Variants in GLRA2 observed in about 807,000 individuals in gnomAD.
GLRA2 encodes glycine receptor alpha 2.
A neutral mutation model predicts 31.6 loss-of-function variants in GLRA2; 11 were observed. The ratio of observed to expected loss-of-function variants is 0.35; its 90% CI spans 0.22 to 0.58. GLRA2 has a LOEUF of 0.58. GLRA2 is among the 20% of genes least tolerant of loss of function. GLRA2 has a pLI of 0.84. For missense variants in GLRA2, 212 were observed against 351.8 expected (o/e 0.60, Z 3.18); for synonymous variants, 132 against 134.0 (o/e 0.99, Z 0.10).
chrX:14,490,200 C>T, the GLRA2 span, among the ~76,000 whole-genome samples: 1 of 112,008 alleles, frequency 8.9e-6, no homozygotes, highest in African/African-American at 3.2e-5. Flanking sequence ...TAGTCAGTTA[C>T]AATTGCTCCA....
intron 7 of GLRA2, among the ~76,000 whole-genome samples, chrX:14,618,108 T>C (rs954125886): frequency 8.9e-6 from 1 of 112,247 alleles, no homozygotes; most frequent in African/African-American, 3.2e-5. Flanking sequence ...CTTTCTAATT[T>C]TGAAACCACT....
At chrX:14,462,931 G>A in the GLRA2 span, among the ~76,000 whole-genome samples, 1 of 111,446 alleles carries the variant, frequency 9.0e-6, no homozygotes. Context: ...AGGCATTCTG[G>A]TTTTTGGAAT....
chrX:14,456,284 A>G, the GLRA2 span, among the ~76,000 whole-genome samples: 1 of 111,934 alleles, frequency 8.9e-6, no homozygotes, highest in African/African-American at 3.2e-5. Context: ...ATGTTTGGAT[A>G]CATGTCATGT....
chrX:14,453,869 A>G, the GLRA2 span, among the ~76,000 whole-genome samples: 3 of 111,967 alleles, frequency 2.7e-5, no homozygotes, highest in Non-Finnish European at 5.6e-5. Flanking sequence ...TAAAAAGAAT[A>G]TGCAATTGAT....
rs1170036600 is a variant in GLRA2 at position 14,664,316 on chromosome X, T to C, written c.931-26394T>C. Among the ~76,000 whole-genome samples, 6 of 112,290 alleles carry C rather than the reference T, an allele frequency of 5.3e-5. No individual in the cohort carries two copies. In the Admixed American group the frequency reaches 5.7e-4, roughly 11 times the overall value. On this transcript the variant is annotated intron_variant, in intron 7 of 8. Coordinates refer to ENST00000218075, the MANE Select transcript of GLRA2 (RefSeq NM_002063.4). The stretch of plus-strand genomic sequence containing the variant: ...TTTCCTACATTTTGTTGTTTTATTT[T>C]TAGTTTTATCACATTATGGGAAAAT...
intron 7 of GLRA2, among the ~76,000 whole-genome samples, chrX:14,663,452 T>G (rs899630717): frequency 9.1e-6 from 1 of 110,184 alleles, no homozygotes; most frequent in African/African-American, 3.3e-5. Context: ...ACCTAATGTA[T>G]GAAAGAAAAA....
chrX:14,522,672 G>A, the GLRA2 span, among the ~76,000 whole-genome samples: 3 of 112,301 alleles, frequency 2.7e-5, no homozygotes, highest in Admixed American at 2.8e-4. Flanking sequence ...TGTTGTGTTA[G>A]CAGGCATGAG....
At chrX:14,599,035 G>C (rs2090238802) in intron 4 of GLRA2, among the ~76,000 whole-genome samples, 1 of 111,466 alleles carries the variant, frequency 9.0e-6, no homozygotes, top group Non-Finnish European at 1.9e-5. Context: ...GAAAGGGCAG[G>C]AAAGGTGAGA....
At chrX:14,647,080 T>C (rs1424989874) in intron 7 of GLRA2, among the ~76,000 whole-genome samples, 1 of 111,085 alleles carries the variant, frequency 9.0e-6, no homozygotes, top group East Asian at 2.8e-4. Flanking sequence ...CACAGAGGGA[T>C]CCAAAAGCAT....
At chrX:14,557,090 C>G (rs1488118617) in intron 2 of GLRA2, among the ~76,000 whole-genome samples, 2 of 102,360 alleles carry the variant, frequency 2.0e-5, no homozygotes, top group African/African-American at 7.1e-5. Context: ...CATGTCTTCA[C>G]CTAAAGTATT....
At chrX:14,583,565 C>T (rs763769670) in intron 4 of GLRA2, among the ~76,000 whole-genome samples, 1 of 111,257 alleles carries the variant, frequency 9.0e-6, no homozygotes, top group South Asian at 3.8e-4. Context: ...GGTGAAACCC[C>T]GTCTCTACTA....
chrX:14,597,132 G>A (rs773927662), intron 4 of GLRA2, among the ~76,000 whole-genome samples: 1 of 111,855 alleles, frequency 8.9e-6, no homozygotes, highest in South Asian at 3.8e-4. Flanking sequence ...AAATCTCCCT[G>A]ACACTAGAAT....
intron 2 of GLRA2, among the ~76,000 whole-genome samples, chrX:14,558,377 G>C (rs1216964131): frequency 6.3e-5 from 7 of 111,714 alleles, no homozygotes; most frequent in African/African-American, 2.3e-4. Flanking sequence ...AGAATTTTTG[G>C]CAGCTGTTTA....
rs1017329230 is a variant in GLRA2, at chrX:14,604,181, C to T, written c.495-134C>T. 5.9e-5 allele frequency: 21 copies of T among 355,968 alleles called. No homozygotes were observed. In the South Asian group the frequency reaches 9.2e-4, roughly 16 times the overall value. The allele number at this position is 355,968 out of a possible 1,213,427, so 29.3% of individuals were successfully genotyped here. On this transcript the variant is annotated intron_variant, in intron 4 of 8. Coordinates refer to ENST00000218075, the MANE Select transcript of GLRA2 (RefSeq NM_002063.4). ...TCATTTTAAAAACAAAAAGCACTGCCCTGAGTTGGAGCTTAGATTTCATTA... is the reference window on the plus strand; with the variant it reads ...TCATTTTAAAAACAAAAAGCACTGCTCTGAGTTGGAGCTTAGATTTCATTA...
chrX:14,570,821 C>G (rs1462397367), intron 2 of GLRA2, among the ~76,000 whole-genome samples: 1 of 111,397 alleles, frequency 9.0e-6, no homozygotes, highest in East Asian at 2.8e-4. Flanking sequence ...AGAAGATACT[C>G]TGAGAAAGTG....
At chrX:14,669,618 G>A (rs975976355) in intron 7 of GLRA2, among the ~76,000 whole-genome samples, 4 of 112,040 alleles carry the variant, frequency 3.6e-5, no homozygotes, top group African/African-American at 1.3e-4. Flanking sequence ...CAAGGCTTGA[G>A]GCTTGCACCC....
At chrX:14,717,151 C>T (rs372791277) in intron 8 of GLRA2, among the ~76,000 whole-genome samples, 11 of 110,536 alleles carry the variant, frequency 1.0e-4, no homozygotes, top group East Asian at 2.9e-4. Context: ...ACATTACTGC[C>T]GATGGTCAAT....
intron 7 of GLRA2, among the ~76,000 whole-genome samples, chrX:14,651,028 T>C (rs778178871): frequency 3.6e-4 from 40 of 112,411 alleles, no homozygotes; most frequent in Middle Eastern, 4.6e-3. Context: ...TTGCTTATTA[T>C]GACATTAGTA....
chrX:14,513,466 A>G, the GLRA2 span, among the ~76,000 whole-genome samples: 1 of 112,246 alleles, frequency 8.9e-6, no homozygotes, highest in South Asian at 3.7e-4. Context: ...TAATCAGCAG[A>G]GTAAACAGAC....
Sources: allele counts gnomAD v4.1 joint callset (sites outside exome capture counted in the v4.1 genomes callset), GRCh38; gene constraint gnomAD v4.1.1; transcripts MANE v1.5; gene names NCBI Gene and HGNC (gene_info 2026-07-23, HGNC 2026-07-21).